The following JMJD1C variants were observed in gnomAD, a reference collection of about 807,000 sequenced individuals.
The protein encoded by JMJD1C is jumonji domain-containing protein 1C.
JMJD1C carries 31 observed loss-of-function variants against 245.3 expected under a neutral mutation model. The ratio of observed to expected loss-of-function variants is 0.13; its 90% CI spans 0.09 to 0.17. The LOEUF is 0.17. Among genes scored for constraint, JMJD1C ranks in the 10% least tolerant of loss-of-function variants. The pLI is 1.00. For synonymous variants in JMJD1C, 1,057 were observed against 1,017.4 expected (o/e 1.04, Z -0.74); for missense variants, 2,691 against 3,000.2 (o/e 0.90, Z 2.41).
At chr10:63,260,937 TCTC>T (rs1854643680) in intron 3 of JMJD1C, among the ~76,000 whole-genome samples, 1 of 152,114 alleles carries the variant, frequency 6.6e-6, no homozygotes, top group African/African-American at 2.4e-5. Flanking sequence ...TAATTTATTT[TCTC>T]CTCCTTCTTC....
At chr10:63,453,825 G>C (rs771122925) in intron 1 of JMJD1C, among the ~76,000 whole-genome samples, 5 of 152,084 alleles carry the variant, frequency 3.3e-5, no homozygotes, top group Non-Finnish European at 5.9e-5. Flanking sequence ...TGCAACCTCC[G>C]CCTCCTAGGT....
At chr10:63,380,514 C>T in intron 1 of JMJD1C, 32 bp from the exon 2 acceptor site, 1 of 1,560,820 alleles carries the variant, frequency 6.4e-7, no homozygotes, top group South Asian at 1.1e-5. Context: ...ATTCAATTAG[C>T]AAAATAGAAG....
intron 2 of JMJD1C, among the ~76,000 whole-genome samples, chr10:63,279,466 A>C (rs1857168532): frequency 6.6e-6 from 1 of 152,248 alleles, no homozygotes; most frequent in Non-Finnish European, 1.5e-5. Flanking sequence ...CTCAAGTAGA[A>C]TGTACAGAAG....
At chr10:63,287,894 C>G (rs1858177630) in intron 2 of JMJD1C, among the ~76,000 whole-genome samples, 1 of 151,996 alleles carries the variant, frequency 6.6e-6, no homozygotes, top group Admixed American at 6.6e-5. Flanking sequence ...ATTACAGACA[C>G]CTGTACCACA....
intron 1 of JMJD1C, among the ~76,000 whole-genome samples, chr10:63,399,190 C>T (rs892025731): frequency 6.6e-6 from 1 of 152,150 alleles, no homozygotes; most frequent in Non-Finnish European, 1.5e-5. Flanking sequence ...AATTTTCCAT[C>T]CTTGGTCAGT....
At chr10:63,175,831 A>T (rs569105289) in intron 24 of JMJD1C, among the ~76,000 whole-genome samples, 47 of 152,256 alleles carry the variant, frequency 3.1e-4, no homozygotes, top group Admixed American at 1.0e-3. Context: ...GGTATTTTAA[A>T]CTAGGTATTT....
chr10:63,207,836 G>A lies in JMJD1C; in HGVS notation c.3833C>T (p.Pro1278Leu), dbSNP rs533422470. 1 of 1,614,078 alleles carries A rather than the reference G, an allele frequency of 6.2e-7. No homozygotes were observed. Among genetic ancestry groups the A allele is most frequent in the Non-Finnish European group, 8.5e-7 (1 of 1,180,012 alleles). ...SEQSLTEMWR[P>L]NNNLSKEKTE... ...TTTCTCTTTGCTGAGGTTATTATTAGGTCTCCACATCTCCGTCAAACTCTG... is the reference window on the plus strand; with the variant it reads ...TTTCTCTTTGCTGAGGTTATTATTAAGTCTCCACATCTCCGTCAAACTCTG... The change falls in exon 10 of 26, where the codon CCT becomes CTT. Residue 1278 changes from proline to leucine, a missense_variant. Coordinates refer to ENST00000399262, the MANE Select transcript of JMJD1C (RefSeq NM_032776.3).
intron 1 of JMJD1C, among the ~76,000 whole-genome samples, chr10:63,463,092 T>A (rs1264929658): frequency 3.9e-5 from 6 of 152,156 alleles, no homozygotes; most frequent in African/African-American, 1.4e-4. Flanking sequence ...TTTTTAATTA[T>A]ACATATTTGT....
intron 1 of JMJD1C, among the ~76,000 whole-genome samples, chr10:63,438,484 A>G (rs1480143970): frequency 6.6e-6 from 1 of 152,138 alleles, no homozygotes; most frequent in Non-Finnish European, 1.5e-5. Flanking sequence ...TCTACTATCA[A>G]CAAAGAAAGT....
intron 22 of JMJD1C, 137 bp downstream of exon 22, chr10:63,183,310 G>T: frequency 1.6e-6 from 1 of 644,044 alleles, no homozygotes; most frequent in Non-Finnish European, 2.6e-6. Context: ...AAGTAATAAG[G>T]GCTAAAATGC....
At chr10:63,389,404 T>C (rs1947876241) in intron 1 of JMJD1C, among the ~76,000 whole-genome samples, 1 of 150,158 alleles carries the variant, frequency 6.7e-6, no homozygotes, top group African/African-American at 2.4e-5. Flanking sequence ...CTCTTAGCAT[T>C]AGGGAGATCA....
intron 1 of JMJD1C, among the ~76,000 whole-genome samples, chr10:63,454,945 T>C (rs1221866367): frequency 2.0e-5 from 3 of 152,186 alleles, no homozygotes; most frequent in African/African-American, 7.2e-5. Flanking sequence ...ACTTCATAAG[T>C]TGAATTGTGT....
intron 1 of JMJD1C, among the ~76,000 whole-genome samples, chr10:63,444,422 T>G (rs1400307845): frequency 6.6e-6 from 1 of 150,560 alleles, no homozygotes. Context: ...TACAGGCGCA[T>G]GCCACCACAC....
At chr10:63,328,583 C>G (rs1260637853) in intron 2 of JMJD1C, among the ~76,000 whole-genome samples, 1 of 152,130 alleles carries the variant, frequency 6.6e-6, no homozygotes, top group Non-Finnish European at 1.5e-5. Flanking sequence ...GTTCAAACAA[C>G]TGAAATTTGC....
chr10:63,312,825 T>C (rs1266077362), intron 2 of JMJD1C, among the ~76,000 whole-genome samples: 1 of 152,220 alleles, frequency 6.6e-6, no homozygotes, highest in African/African-American at 2.4e-5. Context: ...TAAATGGTAT[T>C]TCCAATTTAA....
chr10:63,345,969 T>TA (rs1034270669), intron 2 of JMJD1C, among the ~76,000 whole-genome samples: 2 of 152,082 alleles, frequency 1.3e-5, no homozygotes, highest in African/African-American at 4.8e-5. Flanking sequence ...TGGTTAACTT[T>TA]AAAAAAAATT....
intron 1 of JMJD1C, among the ~76,000 whole-genome samples, chr10:63,396,686 C>G (rs887971233): frequency 1.1e-4 from 16 of 151,828 alleles, no homozygotes; most frequent in African/African-American, 3.9e-4. Context: ...CAGAAACATT[C>G]GTTTCCAGGG....
At chr10:63,263,886 C>T (rs1206999081) in intron 3 of JMJD1C, among the ~76,000 whole-genome samples, 12 of 145,400 alleles carry the variant, frequency 8.3e-5, no homozygotes, top group Admixed American at 7.2e-4. Flanking sequence ...GAACCAAGAA[C>T]GTGCCACTGC....
chr10:63,347,969 T>C (rs973356569), intron 2 of JMJD1C, among the ~76,000 whole-genome samples: 1 of 152,022 alleles, frequency 6.6e-6, no homozygotes, highest in African/African-American at 2.4e-5. Context: ...TCCCAGCATT[T>C]TGGAAGGCTA....
Sources: allele counts gnomAD v4.1 joint callset (sites outside exome capture counted in the v4.1 genomes callset), GRCh38; gene constraint gnomAD v4.1.1; transcripts MANE v1.5; gene names NCBI Gene and HGNC (gene_info 2026-07-23, HGNC 2026-07-21).